The following KIF18A variants were observed in gnomAD, a reference collection of about 807,000 sequenced individuals.
KIF18A encodes the protein kinesin family member 18A.
Under a neutral mutation model 103.3 loss-of-function variants are expected in KIF18A, and 67 were observed. The observed-to-expected ratio is 0.65, with a 90% confidence interval of 0.53 to 0.79. KIF18A has a LOEUF of 0.79. Ranked by LOEUF, KIF18A falls within the 30% of genes least tolerant of loss-of-function variation. KIF18A has a pLI of 0.00. For synonymous variants in KIF18A, 367 were observed against 355.5 expected (o/e 1.03, Z -0.36); for missense variants, 1,032 against 1,062.5 (o/e 0.97, Z 0.40).
At chr11:28,074,810 T>C (rs1851068597) in intron 10 of KIF18A, among the ~76,000 whole-genome samples, 1 of 152,148 alleles carries the variant, frequency 6.6e-6, no homozygotes, top group Non-Finnish European at 1.5e-5. Context: ...GAATGGGTTG[T>C]TACTTATAAG....
chr11:28,080,352 T>TG (rs1198390494), intron 9 of KIF18A, among the ~76,000 whole-genome samples: 1 of 151,600 alleles, frequency 6.6e-6, no homozygotes, highest in Non-Finnish European at 1.5e-5. Flanking sequence ...GACACTGTTT[T>TG]TTTTTTTTTT....
chr11:28,055,756 A>G (rs1030417978), intron 13 of KIF18A, among the ~76,000 whole-genome samples: 12 of 152,204 alleles, frequency 7.9e-5, no homozygotes, highest in Admixed American at 2.0e-4. Context: ...CAGATGCATC[A>G]AAATATTCTG....
intron 13 of KIF18A, among the ~76,000 whole-genome samples, chr11:28,044,904 CA>C (rs951320625): frequency 2.6e-5 from 4 of 151,780 alleles, no homozygotes; most frequent in Admixed American, 6.6e-5. Context: ...AAAATAAAAA[CA>C]AAAACAGTGA....
intron 9 of KIF18A, among the ~76,000 whole-genome samples, chr11:28,078,009 A>G (rs1160181345): frequency 2.0e-5 from 3 of 152,162 alleles, no homozygotes; most frequent in African/African-American, 7.2e-5. Flanking sequence ...AATTTTTTAA[A>G]ATATATTCAT....
intron 6 of KIF18A, 40 bp downstream of exon 6, chr11:28,088,484 A>C (rs910726268): frequency 6.7e-7 from 1 of 1,497,200 alleles, no homozygotes. Flanking sequence ...ATCTATTTCA[A>C]TATTTCAAAC....
chr11:28,097,491 T>C (rs568432513), intron 2 of KIF18A, 132 bp downstream of exon 2: 5 of 697,276 alleles, frequency 7.2e-6, no homozygotes, highest in African/African-American at 7.2e-5. Context: ...TTCAAGTCTA[T>C]TGAATTTCTT....
intron 3 of KIF18A, among the ~76,000 whole-genome samples, chr11:28,092,457 T>C (rs1301369332): frequency 1.3e-5 from 2 of 152,214 alleles, no homozygotes; most frequent in Admixed American, 6.5e-5. Context: ...GAGTAGGAAC[T>C]GGAGCCTAGA....
chr11:28,053,653 C>G (rs559143794), intron 13 of KIF18A, among the ~76,000 whole-genome samples: 219 of 850 alleles, frequency 0.26, 2 homozygotes, highest in Middle Eastern at 0.5. Context: ...ATCCCTCCCC[C>G]CTTTCCCCCA....
At chr11:28,091,644 C>T (rs1851306247) in intron 3 of KIF18A, 131 bp from the exon 4 acceptor site, 2 of 493,294 alleles carry the variant, frequency 4.1e-6, no homozygotes, top group Admixed American at 7.8e-5. Flanking sequence ...TTTTATTCAC[C>T]TCATACCTTC....
intron 6 of KIF18A, 118 bp downstream of exon 6, chr11:28,088,406 G>T: frequency 1.3e-6 from 1 of 790,772 alleles, no homozygotes; most frequent in Non-Finnish European, 2.1e-6. Flanking sequence ...TAACATTACT[G>T]ATATACCCTT....
intron 15 of KIF18A, among the ~76,000 whole-genome samples, chr11:28,031,676 A>G (rs774397449): frequency 1.3e-5 from 2 of 151,206 alleles, no homozygotes; most frequent in Admixed American, 1.3e-4. Flanking sequence ...AACTTAAAGC[A>G]TAAAAAAAAA....
At position 28,070,950 on chromosome 11, in the gene KIF18A, A is replaced by C. The variant is rs921122874; in HGVS notation, c.1426-1527T>G. ...TAGTTCCAGCTACTTGGTGGGGTGG[A>C]GGGGCTGATGTGGGAGCATCACTTG... is the stretch of plus-strand genomic sequence containing the variant. On this transcript the variant is annotated intron_variant, in intron 10 of 16. Coordinates refer to ENST00000263181, the MANE Select transcript of KIF18A (RefSeq NM_031217.4). Among the ~76,000 whole-genome samples the C allele has an allele frequency of 3.3e-5, 5 of 152,136 alleles. No individual in the cohort carries two copies. The South Asian group carries it at 1.0e-3, about 31-fold the overall frequency.
At chr11:28,063,920 C>T (rs1239210323) in intron 11 of KIF18A, among the ~76,000 whole-genome samples, 1 of 151,546 alleles carries the variant, frequency 6.6e-6, no homozygotes, top group Non-Finnish European at 1.5e-5. Context: ...TAATAAAACT[C>T]CTTTCCAATC....
chr11:28,036,510 C>T lies in KIF18A; in HGVS notation c.2103G>A (p.Gln701=), dbSNP rs769617109. ...AGTCTTCTGGTGTATATACAATAGG[C>T]TGAAGTTCTTTGCTAAGAGAATCAT... ...QLNDSLSKEL[Q]PIVYTPEDCR... Residue 701 remains glutamine (Q), a synonymous_variant, in exon 14 of 17, where the codon CAG becomes CAA. Transcript: ENST00000263181. 64 of 1,611,162 alleles carry T rather than the reference C, an allele frequency of 4.0e-5. No homozygotes were observed. Among genetic ancestry groups the T allele is most frequent in the Non-Finnish European group, 1.7e-5 (20 of 1,178,306 alleles).
At chr11:28,027,278 T>C (rs752376970) in intron 15 of KIF18A, among the ~76,000 whole-genome samples, 1 of 151,912 alleles carries the variant, frequency 6.6e-6, no homozygotes, top group Non-Finnish European at 1.5e-5. Context: ...TTGCATTCAA[T>C]TTATAGGATA....
chr11:28,102,968 C>G (rs1336607494), intron 1 of KIF18A, among the ~76,000 whole-genome samples: 1 of 152,056 alleles, frequency 6.6e-6, no homozygotes, highest in Non-Finnish European at 1.5e-5. Flanking sequence ...AAAGAAAAGC[C>G]TAAATATCGT....
At chr11:28,090,584 A>G (rs1167445315) in intron 5 of KIF18A, 33 bp downstream of exon 5, 1 of 1,142,426 alleles carries the variant, frequency 8.8e-7, no homozygotes. Flanking sequence ...TTTTAAATCC[A>G]ATTTTAAGAG....
At chr11:28,036,807 G>A in intron 13 of KIF18A, 143 bp from the exon 14 acceptor site, 1 of 513,110 alleles carries the variant, frequency 1.9e-6, no homozygotes, top group Non-Finnish European at 3.3e-6. Context: ...AGTTGGAAAG[G>A]AAAATATCAC....
chr11:28,102,807 T>G (rs1565093272), intron 1 of KIF18A, among the ~76,000 whole-genome samples: 1 of 152,220 alleles, frequency 6.6e-6, no homozygotes, highest in Non-Finnish European at 1.5e-5. Flanking sequence ...TATACTTACA[T>G]CTGCAGGAAT....
Sources: gnomAD v4.1 joint callset for allele counts (sites outside exome capture counted in the v4.1 genomes callset) on GRCh38, gnomAD v4.1.1 for gene constraint, MANE v1.5 for transcripts, NCBI Gene and HGNC (gene_info 2026-07-23, HGNC 2026-07-21) for gene names.